FIG4: variants seen among roughly 807,000 people sequenced by gnomAD.
The protein encoded by FIG4 is polyphosphoinositide phosphatase.
Under a neutral mutation model 118.6 loss-of-function variants are expected in FIG4, and 112 were observed. The ratio of observed to expected loss-of-function variants is 0.94; its 90% CI spans 0.81 to 1.11. The LOEUF is 1.11. FIG4 is among the 50% of genes least tolerant of loss of function. FIG4 has a pLI of 0.00. For missense variants in FIG4, 969 were observed against 1,111.7 expected, an observed-to-expected ratio of 0.87 and a Z score of 1.83; for synonymous variants, 369 against 381.2, an observed-to-expected ratio of 0.97 and a Z score of 0.37.
intron 20 of FIG4, 53 bp from the exon 21 acceptor site, chr6:109,792,529 G>A: frequency 1.9e-6 from 2 of 1,033,300 alleles, no homozygotes; most frequent in Non-Finnish European, 3.0e-6. Context: ...TTATTGATAT[G>A]CTATATGTCT....
chr6:109,700,220 C>G (rs1007283943), intron 1 of FIG4, among the ~76,000 whole-genome samples: 2 of 152,028 alleles, frequency 1.3e-5, no homozygotes, highest in African/African-American at 4.8e-5. Flanking sequence ...TAATTTTTTT[C>G]TAATATAAAA....
intron 10 of FIG4, among the ~76,000 whole-genome samples, chr6:109,756,670 C>T (rs769171312): frequency 3.4e-4 from 52 of 152,274 alleles, no homozygotes; most frequent in Non-Finnish European, 6.5e-4. Flanking sequence ...TCCCTTCTCG[C>T]TTCATTTCAT....
At chr6:109,741,720 C>G (rs1776330159) in intron 8 of FIG4, among the ~76,000 whole-genome samples, 176 bp downstream of exon 8, 1 of 152,114 alleles carries the variant, frequency 6.6e-6, no homozygotes, top group South Asian at 2.1e-4. Flanking sequence ...TCTTCCCATC[C>G]AAAATCCACA....
intron 1 of FIG4, among the ~76,000 whole-genome samples, chr6:109,711,225 C>T (rs573378204): frequency 6.6e-6 from 1 of 152,154 alleles, no homozygotes; most frequent in Non-Finnish European, 1.5e-5. Context: ...CGGTGAAACC[C>T]CGTCTCTACT....
chr6:109,720,295 A>G (rs1257978102), intron 3 of FIG4, among the ~76,000 whole-genome samples: 1 of 152,230 alleles, frequency 6.6e-6, no homozygotes, highest in East Asian at 1.9e-4. Context: ...AACACAAAAT[A>G]CTTATCTTTG....
At chr6:109,699,565 C>T (rs1265386757) in intron 1 of FIG4, among the ~76,000 whole-genome samples, 2 of 147,620 alleles carry the variant, frequency 1.4e-5, no homozygotes, top group African/African-American at 2.5e-5. Flanking sequence ...TGCAGTGGCT[C>T]GATCTCGGCT....
intron 13 of FIG4, 116 bp from the exon 14 acceptor site, chr6:109,764,893 CTTTT>C: frequency 2.9e-6 from 2 of 680,922 alleles, no homozygotes; most frequent in Non-Finnish European, 4.9e-6. Context: ...TGCCCACAGA[CTTTT>C]TTTGTTTTTG....
At chr6:109,764,897 T>TTTTGTTTTTGTG in intron 13 of FIG4, 116 bp from the exon 14 acceptor site, 2 of 761,426 alleles carry the variant, frequency 2.6e-6, no homozygotes, top group Non-Finnish European at 2.0e-6. Context: ...CACAGACTTT[T>TTTTGTTTTTGTG]TTTGTTTTTG....
At chr6:109,700,930 G>T (rs777641598) in intron 1 of FIG4, among the ~76,000 whole-genome samples, 1 of 152,114 alleles carries the variant, frequency 6.6e-6, no homozygotes, top group Non-Finnish European at 1.5e-5. Flanking sequence ...TTTACTTCTG[G>T]TTCCAAGCAT....
At chr6:109,783,091 G>C (rs1777852993) in intron 16 of FIG4, among the ~76,000 whole-genome samples, 2 of 152,172 alleles carry the variant, frequency 1.3e-5, no homozygotes, top group African/African-American at 4.8e-5. Context: ...TGATGGGAGA[G>C]AACAACACAC....
chr6:109,704,909 T>C (rs938552013), intron 1 of FIG4, among the ~76,000 whole-genome samples: 5 of 152,084 alleles, frequency 3.3e-5, no homozygotes, highest in Admixed American at 3.3e-4. Context: ...ATATATTGTA[T>C]TGATGATATT....
At chr6:109,764,538 C>T (rs1187304051) in intron 13 of FIG4, among the ~76,000 whole-genome samples, 1 of 151,400 alleles carries the variant, frequency 6.6e-6, no homozygotes, top group Admixed American at 6.6e-5. Context: ...GAAACACAAA[C>T]AAGAACATGA....
chr6:109,788,308 T>C (rs1043842507), intron 18 of FIG4, among the ~76,000 whole-genome samples: 2 of 152,198 alleles, frequency 1.3e-5, no homozygotes, highest in Non-Finnish European at 2.9e-5. Flanking sequence ...ATGTTTTCTC[T>C]GTCAGGTGCA....
intron 18 of FIG4, among the ~76,000 whole-genome samples, chr6:109,788,959 A>G (rs1311352379): frequency 6.6e-6 from 1 of 152,206 alleles, no homozygotes; most frequent in Non-Finnish European, 1.5e-5. Flanking sequence ...TTATCTCAGT[A>G]AGTGGTAAAT....
At chr6:109,750,983 ACT>A (rs1776677509) in intron 10 of FIG4, among the ~76,000 whole-genome samples, 1 of 152,200 alleles carries the variant, frequency 6.6e-6, no homozygotes, top group Non-Finnish European at 1.5e-5. Flanking sequence ...CTGATTTAAC[ACT>A]GTTCTTAATT....
chr6:109,744,981 T>C (rs1252603844), intron 10 of FIG4, among the ~76,000 whole-genome samples: 1 of 152,192 alleles, frequency 6.6e-6, no homozygotes, highest in Non-Finnish European at 1.5e-5. Context: ...TCATCCTTTT[T>C]TACGGCTGCA....
chr6:109,799,392 A>G (rs988904642), intron 22 of FIG4, among the ~76,000 whole-genome samples: 2 of 152,242 alleles, frequency 1.3e-5, no homozygotes, highest in Non-Finnish European at 2.9e-5. Flanking sequence ...ACGTGTGCAC[A>G]GGGACGTGCT....
intron 16 of FIG4, among the ~76,000 whole-genome samples, chr6:109,780,726 C>T (rs910139621): frequency 2.0e-5 from 3 of 152,080 alleles, no homozygotes; most frequent in South Asian, 2.1e-4. Flanking sequence ...TAGATAATGG[C>T]GTGGCATATC....
chr6:109,789,734 C>A, intron 19 of FIG4, 57 bp downstream of exon 19: 2 of 1,229,780 alleles, frequency 1.6e-6, no homozygotes, highest in Non-Finnish European at 2.4e-6. Context: ...ATAGTACTTG[C>A]AATATGATTT....
Sources: gnomAD v4.1 joint callset for allele counts (sites outside exome capture counted in the v4.1 genomes callset) on GRCh38, gnomAD v4.1.1 for gene constraint, MANE v1.5 for transcripts, NCBI Gene and HGNC (gene_info 2026-07-23, HGNC 2026-07-21) for gene names.